Variants in SLC6A19 observed in about 807,000 individuals in gnomAD.
SLC6A19 encodes solute carrier family 6 member 19, also known as sodium-dependent neutral amino acid transporter B(0)AT1.
A neutral mutation model predicts 68.3 loss-of-function variants in SLC6A19; 67 were observed. That is an observed-to-expected ratio of 0.98 (90% CI 0.81 to 1.20). The LOEUF is 1.20. Ranked by LOEUF, SLC6A19 falls within the 50% of genes most tolerant of loss-of-function variation. The pLI is 0.00. For missense variants in SLC6A19, 813 were observed against 851.6 expected (o/e 0.95, Z 0.56); for synonymous variants, 392 against 374.9 (o/e 1.05, Z -0.53).
At chr5:1,204,814 G>A (rs1745808292) in intron 1 of SLC6A19, among the ~76,000 whole-genome samples, 1 of 152,228 alleles carries the variant, frequency 6.6e-6, no homozygotes, top group Non-Finnish European at 1.5e-5. Context: ...CTCAACGCCT[G>A]GCCCCGGGGT....
rs113779329 is a variant in SLC6A19 at position 1,215,444 on chromosome 5, G to T, written c.888-1114G>T. ...TCCTGCCCCGGGTGAGCACTGATGC[G>T]CTCTCTGCCTCTGTGGCTGTGCCTA... On this transcript the variant is annotated intron_variant, in intron 6 of 11. Coordinates refer to ENST00000304460, the MANE Select transcript of SLC6A19 (RefSeq NM_001003841.3). This position sits in a 1 kb window ranked among gnomAD's most constrained non-coding sequence, Gnocchi z 5.1. Among the ~76,000 whole-genome samples the T allele has an allele frequency of 6.6e-6, 1 of 152,202 alleles. No individual in the cohort carries two copies. The highest frequency in any genetic ancestry group is 1.5e-5 in the Non-Finnish European group (1 of 68,024).
intron 3 of SLC6A19, among the ~76,000 whole-genome samples, chr5:1,210,875 G>C (rs891635395): frequency 2.0e-5 from 3 of 152,152 alleles, no homozygotes; most frequent in Non-Finnish European, 4.4e-5. Context: ...CTGGGAGGCT[G>C]CTCCCTATTC....
chr5:1,206,799 T>A (rs545179321), intron 1 of SLC6A19, among the ~76,000 whole-genome samples: 1 of 152,246 alleles, frequency 6.6e-6, no homozygotes, highest in East Asian at 1.9e-4. Context: ...CAGCCCTCCC[T>A]CTCAGGGTCA....
At position 1,221,307 on chromosome 5, in the gene SLC6A19, T is replaced by C. The variant is rs1365416145; in HGVS notation, c.1695T>C (p.Pro565=). The C allele has an allele frequency of 6.2e-7, 1 of 1,613,392 alleles. No individual in the cohort carries two copies. Among genetic ancestry groups the C allele is most frequent in the South Asian group, 1.1e-5 (1 of 91,082 alleles). The change falls in exon 11 of 12, where the codon CCT becomes CCC. Residue 565 remains proline (P), a synonymous_variant. Transcript: ENST00000304460. ...SQELTYSIWD[P]GYEEFPKSQK... is the part of the protein sequence containing the mutation. ...AGCTGACCTACAGCATCTGGGACCC[T>C]GGCTACGTAAGTGTCCAGGCAGTCG... is the stretch of plus-strand genomic sequence containing the variant.
At chr5:1,207,027 G>A (rs1014254400) in intron 1 of SLC6A19, among the ~76,000 whole-genome samples, 2 of 152,220 alleles carry the variant, frequency 1.3e-5, no homozygotes, top group African/African-American at 4.8e-5. Flanking sequence ...TGGGGCAGGC[G>A]CGACGGGAGC....
At position 1,221,250 on chromosome 5, in the gene SLC6A19, C is replaced by T; in HGVS notation, c.1638C>T (p.Phe546=). ...VVSPLLMLII[F]LFFFVVEVSQ... is the part of the protein sequence containing the mutation. ...GCCCCCTGCTCATGCTGATCATCTT[C>T]CTCTTCTTCTTCGTGGTAGAGGTCA... The change falls in exon 11 of 12, where the codon TTC becomes TTT. Residue 546 remains phenylalanine (F), a synonymous_variant. Coordinates refer to ENST00000304460, the MANE Select transcript of SLC6A19 (RefSeq NM_001003841.3). 6.2e-7 allele frequency: 1 copy of T among 1,614,144 alleles called. No homozygotes were observed. Among genetic ancestry groups the T allele is most frequent in the Middle Eastern group, 1.6e-4 (1 of 6,062 alleles).
intron 5 of SLC6A19, 87 bp from the exon 6 acceptor site, chr5:1,213,866 C>T: frequency 1.3e-6 from 2 of 1,581,974 alleles, no homozygotes; most frequent in East Asian, 4.5e-5. Flanking sequence ...TAGCCTCGAC[C>T]CTCCCCGCCT....
chr5:1,221,451 A>G (rs969144668), intron 11 of SLC6A19, 138 bp downstream of exon 11: 13 of 1,176,984 alleles, frequency 1.1e-5, no homozygotes, highest in African/African-American at 3.0e-5. Context: ...ACTCAGGTGC[A>G]GTCCAGCCAC....
chr5:1,204,577 G>A (rs1158216718), intron 1 of SLC6A19, among the ~76,000 whole-genome samples: 1 of 152,214 alleles, frequency 6.6e-6, no homozygotes, highest in African/African-American at 2.4e-5. Flanking sequence ...ACGCATTCAT[G>A]CCCACCTGTG....
rs1343607369 is a variant in SLC6A19 at position 1,212,936 on chromosome 5, G to A, written c.663+452G>A. 3.3e-5 allele frequency among the ~76,000 whole-genome samples: 5 copies of A among 151,440 alleles called. No homozygotes were observed. The highest frequency in any genetic ancestry group is 7.3e-5 in the African/African-American group (3 of 41,192). On this transcript the variant is annotated intron_variant, in intron 4 of 11. Coordinates refer to ENST00000304460, the MANE Select transcript of SLC6A19 (RefSeq NM_001003841.3). The surrounding 1 kb of genome is among the most constrained non-coding windows in gnomAD (Gnocchi z 5.1). ...CGGCAGCCTGTGAGGCCCTGTCCCC[G>A]TTCCCACTCGTCCCACATGCCCCCC...
At chr5:1,217,296 G>A (rs1746237532) in intron 8 of SLC6A19, among the ~76,000 whole-genome samples, 1 of 152,252 alleles carries the variant, frequency 6.6e-6, no homozygotes, top group Non-Finnish European at 1.5e-5. Context: ...CATTGAAAGA[G>A]TTTTTGTAGC....
chr5:1,219,737 ACCC>A, intron 10 of SLC6A19, 73 bp downstream of exon 10: 1 of 1,591,366 alleles, frequency 6.3e-7, no homozygotes, highest in Non-Finnish European at 8.5e-7. Context: ...GTGAGGGAGG[ACCC>A]GGGCTGTGTT....
chr5:1,211,135 G>A (rs555082189), intron 3 of SLC6A19, among the ~76,000 whole-genome samples: 2 of 152,332 alleles, frequency 1.3e-5, no homozygotes, highest in African/African-American at 2.4e-5. Flanking sequence ...CTTCTGGTCC[G>A]ACCAGCACAG....
rs1170628219 is a variant in SLC6A19, at chr5:1,221,791, C to G, written c.1792C>G (p.Pro598Ala). The change falls in exon 12 of 12, where the codon CCT becomes GCT. Residue 598 changes from proline (P) to alanine (A), a missense_variant. Transcript: ENST00000304460. ...IVAGVPSLTI[P>A]GYAIYKLIRN... ...GGCTGGAGTGCCCTCCCTCACCATC[C>G]CTGGCTATGCCATCTACAAGCTCAT... The G allele has an allele frequency of 6.2e-7, 1 of 1,614,178 alleles. No homozygotes were observed. The highest frequency in any genetic ancestry group is 2.2e-5 in the East Asian group (1 of 44,886).
In SLC6A19 at chr5:1,208,801, G is replaced by C. The variant is rs765066805; in HGVS notation, c.258G>C (p.Leu86=). 5.0e-6 allele frequency: 8 copies of C among 1,613,196 alleles called. No homozygotes were observed. The Middle Eastern group carries it at 6.6e-4, about 133-fold the overall frequency. The change falls in exon 2 of 12, where the codon CTG becomes CTC. Residue 86 remains leucine, a synonymous_variant. Transcript: ENST00000304460. ...ILLVLEGIPL[L]YLEFAIGQRL... ...TGGTCCTGGAGGGCATCCCCCTGCT[G>C]TACCTGGAGTTCGCCATCGGGCAGC...
rs951655563 is a variant in SLC6A19 at position 1,223,840 on chromosome 5, A to G, written c.*1936A>G. ...TTCCACCCACAGAAACCTGGTCACA[A>G]TCGTCCCTTCCAGCACCCCATCCAG... is the stretch of plus-strand genomic sequence containing the variant. On this transcript the variant is annotated 3_prime_UTR_variant, in exon 12 of 12. Transcript: ENST00000304460. The G allele has an allele frequency of 3.3e-5, 5 of 152,348 alleles. No individual in the cohort carries two copies. Among genetic ancestry groups the G allele is most frequent in the Non-Finnish European group, 7.3e-5 (5 of 68,120 alleles). 9.4% of individuals were successfully genotyped at this position (152,348 alleles called of 1,614,324 possible).
At chr5:1,216,471 C>T in intron 6 of SLC6A19, 87 bp from the exon 7 acceptor site, 1 of 1,597,682 alleles carries the variant, frequency 6.3e-7, no homozygotes, top group Non-Finnish European at 8.5e-7. Context: ...GGGGCTGGCG[C>T]TCTGGGCGGG....
Position 1,210,454 on chromosome 5 carries a change from C to T in SLC6A19, c.354C>T (p.Ser118=). The T allele has an allele frequency of 6.2e-7, 1 of 1,613,206 alleles. No homozygotes were observed. Among genetic ancestry groups the T allele is most frequent in the Middle Eastern group, 1.6e-4 (1 of 6,062 alleles). ...HPALKGLGLA[S]MLTSFMVGLY... ...GCAGCCTCCCTGCAGGCCTGGCCTC[C>T]ATGCTCACGTCCTTCATGGTGGGAC... The change falls in exon 3 of 12, where the codon TCC becomes TCT. Residue 118 remains serine (S), a synonymous_variant. Transcript: ENST00000304460.
Position 1,209,320 on chromosome 5 carries a change from C to G in SLC6A19, c.343+434C>G, listed in dbSNP as rs984715947. Among the ~76,000 whole-genome samples the G allele has an allele frequency of 6.6e-6, 1 of 152,184 alleles. No individual in the cohort carries two copies. Among genetic ancestry groups the G allele is most frequent in the Admixed American group, 6.5e-5 (1 of 15,280 alleles). On this transcript the variant is annotated intron_variant, in intron 2 of 11. Transcript: ENST00000304460. This position sits in a 1 kb window ranked among gnomAD's most constrained non-coding sequence, Gnocchi z 5.5. ...ATTTATAAGCTCTGGGGCCCAGGAG[C>G]AGACCCAGTGCAGCCTCACCAAGAG...
Sources: gnomAD v4.1 joint callset for allele counts (sites outside exome capture counted in the v4.1 genomes callset) on GRCh38, gnomAD v4.1.1 for gene constraint, Gnocchi (gnomAD v3.1) non-coding constraint, MANE v1.5 for transcripts, NCBI Gene and HGNC (gene_info 2026-07-23, HGNC 2026-07-21) for gene names.